The following ZNF282 variants were observed in gnomAD, a reference collection of about 807,000 sequenced individuals.
ZNF282 encodes HTLV-I U5 repressive element-binding protein 1.
ZNF282 carries 30 observed loss-of-function variants against 61.9 expected under a neutral mutation model. That is an observed-to-expected ratio of 0.48 (90% CI 0.36 to 0.66). The LOEUF (loss-of-function observed/expected upper bound fraction) is 0.66. ZNF282 is among the 30% of genes least tolerant of loss of function. The pLI is 0.00. For synonymous variants in ZNF282, 396 were observed against 405.0 expected (o/e 0.98, Z 0.27); for missense variants, 788 against 941.4 (o/e 0.84, Z 2.13).
intron 2 of ZNF282, among the ~76,000 whole-genome samples, chr7:149,204,761 G>A (rs1039228999): frequency 2.6e-5 from 4 of 152,288 alleles, no homozygotes; most frequent in South Asian, 4.1e-4. Flanking sequence ...TGAAGCAGCC[G>A]TGAGACAGCG....
rs58064988 is a variant in ZNF282, at chr7:149,209,020, CA to C, written c.833-1552del. ...TGGGCTACAGAGGGAGACTTCATCT[CA>C]AAAAAAAAAAAAGAGGGCCGGGCGC... On this transcript the variant is annotated intron_variant, in intron 4 of 7. Coordinates refer to ENST00000610704, the MANE Select transcript of ZNF282 (RefSeq NM_003575.4). 5.8e-4 allele frequency among the ~76,000 whole-genome samples: 36 copies of C among 61,708 alleles called. 1 individual carries two copies. Among genetic ancestry groups the C allele is most frequent in the Admixed American group, 1.1e-3 (5 of 4,600 alleles). 40.5% of individuals were successfully genotyped at this position (61,708 alleles called of 152,430 possible).
chr7:149,205,724 G>T (rs1795982887), intron 2 of ZNF282, among the ~76,000 whole-genome samples: 1 of 152,218 alleles, frequency 6.6e-6, no homozygotes, highest in African/African-American at 2.4e-5. Context: ...AGTAGTGGTA[G>T]CTGTGCTCCT....
intron 7 of ZNF282, among the ~76,000 whole-genome samples, chr7:149,222,374 G>A (rs1796269496): frequency 6.6e-6 from 1 of 152,216 alleles, no homozygotes; most frequent in Non-Finnish European, 1.5e-5. Context: ...AAACATGACT[G>A]CCAACCCATC....
chr7:149,208,791 G>C (rs1193046163), intron 4 of ZNF282, among the ~76,000 whole-genome samples: 1 of 151,100 alleles, frequency 6.6e-6, no homozygotes, highest in African/African-American at 2.4e-5. Context: ...GGCCGAGGTG[G>C]GCGGATTAGC....
intron 2 of ZNF282, among the ~76,000 whole-genome samples, chr7:149,202,739 C>G (rs1013803496): frequency 6.6e-6 from 1 of 152,240 alleles, no homozygotes; most frequent in Non-Finnish European, 1.5e-5. Flanking sequence ...GCGTGAACCA[C>G]TGCACCTGGC....
At chr7:149,212,570 A>C in intron 6 of ZNF282, 99 bp downstream of exon 6, 1 of 988,336 alleles carries the variant, frequency 1.0e-6, no homozygotes, top group Non-Finnish European at 1.5e-6. Context: ...TGATACTAAA[A>C]TTACTTCAGC....
Position 149,198,448 on chromosome 7 carries a change from C to T in ZNF282, c.281C>T (p.Ala94Val). 1 of 1,614,208 alleles carries T rather than the reference C, an allele frequency of 6.2e-7. No homozygotes were observed. The highest frequency in any genetic ancestry group is 1.6e-4 in the Middle Eastern group (1 of 6,062). The part of the protein sequence containing the change: ...RMMREPQLPT[A>V]EISLWTVVAA... ...ATGCGAGAGCCCCAGTTGCCCACAG[C>T]AGAGATCTCACTCTGGACTGTGGTG... Residue 94 changes from alanine to valine, a missense_variant, in exon 2 of 8, where the codon GCA (alanine) becomes GTA (valine). By Grantham distance (64) the Ala-to-Val change is moderately conservative. Around this residue, in one of 3 missense-constraint regions of ZNF282, gnomAD observed 137 missense variants for 135.4 expected, o/e 1.01. Coordinates refer to ENST00000610704, the MANE Select transcript of ZNF282 (RefSeq NM_003575.4). The surrounding 1 kb of genome is among the most constrained non-coding windows in gnomAD (Gnocchi z 4.3).
In ZNF282 at chr7:149,223,960, G is replaced by C; in HGVS notation, c.1329G>C (p.Pro443=). 1.5e-6 allele frequency: 2 copies of C among 1,301,114 alleles called. No homozygotes were observed. Among genetic ancestry groups the C allele is most frequent in the East Asian group, 3.2e-5 (1 of 31,606 alleles). 80.6% of individuals were successfully genotyped at this position (1,301,114 alleles called of 1,614,324 possible). A position where few individuals can be genotyped will look rare whatever the true frequency, so the allele number is the denominator to read the frequency against. The stretch of plus-strand genomic sequence containing the variant: ...TGGCCGAGAACCCGGGCGGCCCCCC[G>C]AGCCGAGGGCTGCTGGACGACGGTT... The part of the protein sequence containing the change: ...IAVAENPGGP[P]SRGLLDDGFQ... The change falls in exon 8 of 8, where the codon CCG becomes CCC. Residue 443 remains proline (P), a synonymous_variant. Transcript: ENST00000610704.
Position 149,224,285 on chromosome 7 carries a change from G to A in ZNF282, c.1654G>A (p.Glu552Lys), listed in dbSNP as rs1425778098. The A allele has an allele frequency of 6.2e-7, 1 of 1,613,048 alleles. No homozygotes were observed. The highest frequency in any genetic ancestry group is 8.5e-7 in the Non-Finnish European group (1 of 1,179,880). Reference sequence around the variant, plus strand: ...GCGGCCCTACGAGTGCGCTGAGTGCGAGAAGAGCTTCAACTGCCACTCGGG... The same window carrying A: ...GCGGCCCTACGAGTGCGCTGAGTGCAAGAAGAGCTTCAACTGCCACTCGGG... ...KERPYECAECEKSFNCHSGLI... is the reference protein window; with the variant it reads ...KERPYECAECKKSFNCHSGLI... Residue 552 changes from glutamate to lysine, a missense_variant, in exon 8 of 8, where the codon GAG (glutamate) becomes AAG (lysine). Physicochemically the swap from Glu to Lys is moderately conservative, Grantham distance 56. This residue lies in a region of ZNF282 where 559 missense variants were observed against 642.0 expected (regional missense o/e 0.87). Transcript: ENST00000610704.
intron 7 of ZNF282, among the ~76,000 whole-genome samples, chr7:149,218,119 A>AAAG (rs1554471224): frequency 6.7e-6 from 1 of 149,858 alleles, no homozygotes; most frequent in African/African-American, 2.5e-5. Context: ...AAAAAAAAAA[A>AAAG]AGAGAGAGAG....
chr7:149,223,814 G>A lies in ZNF282; in HGVS notation c.1183G>A (p.Asp395Asn). Residue 395 changes from aspartate to asparagine, a missense_variant and splice_region_variant, in exon 8 of 8, where the codon GAC (aspartate) becomes AAC (asparagine). This residue lies in a region of ZNF282 where 559 missense variants were observed against 642.0 expected (regional missense o/e 0.87). Coordinates refer to ENST00000610704, the MANE Select transcript of ZNF282 (RefSeq NM_003575.4). ...GELGLDSGPSDSLLMVKNPPP... is the reference protein window; with the variant it reads ...GELGLDSGPSNSLLMVKNPPP... ...GTCACTTCTTCCTATCTCCCCAGGT[G>A]ACAGCCTGCTGATGGTGAAGAACCC... The A allele has an allele frequency of 6.7e-7, 1 of 1,495,088 alleles. No individual in the cohort carries two copies. Among genetic ancestry groups the A allele is most frequent in the East Asian group, 2.8e-5 (1 of 35,800 alleles). The allele number at this position is 1,495,088 out of a possible 1,614,324, so 92.6% of individuals were successfully genotyped here. A position where few individuals can be genotyped will look rare whatever the true frequency, so the allele number is the denominator to read the frequency against.
rs1193968796 is a variant in ZNF282, at chr7:149,202,317, C to CT, written c.585+3577dup. On this transcript the variant is annotated intron_variant, in intron 2 of 7. Transcript: ENST00000610704. Reference sequence around the variant, plus strand: ...GTGCCACCATGCCCGGCTAATTTTTCTTTTTTTTTTTTGAGACGGAGTCTT... The same window carrying CT: ...GTGCCACCATGCCCGGCTAATTTTTCTTTTTTTTTTTTTGAGACGGAGTCTT... Among the ~76,000 whole-genome samples, 1,290 of 142,288 alleles carry CT rather than the reference C, an allele frequency of 9.1e-3. 16 individuals carry two copies. The highest frequency in any genetic ancestry group is 0.026 in the African/African-American group (1,025 of 38,986). The allele number at this position is 142,288 out of a possible 152,430, so 93.3% of individuals were successfully genotyped here. A position where few individuals can be genotyped will look rare whatever the true frequency, so the allele number is the denominator to read the frequency against.
chr7:149,213,652 C>A, intron 6 of ZNF282, 49 bp from the exon 7 acceptor site: 1 of 1,430,266 alleles, frequency 7.0e-7, no homozygotes, highest in Non-Finnish European at 9.8e-7. Context: ...GATGGGAGGC[C>A]GAGTAGAACT....
intron 4 of ZNF282, among the ~76,000 whole-genome samples, chr7:149,209,701 A>C (rs188871520): frequency 1.2e-4 from 19 of 152,222 alleles, no homozygotes; most frequent in Admixed American, 1.2e-3. Context: ...TGAAGGCAGG[A>C]TCCCAGTCTT....
chr7:149,199,514 G>A (rs184978590), intron 2 of ZNF282, among the ~76,000 whole-genome samples: 29 of 152,054 alleles, frequency 1.9e-4, no homozygotes, highest in Admixed American at 1.0e-3. Context: ...CCTGCTGTCC[G>A]TCTTTAACAG....
chr7:149,199,346 T>C (rs1206771587), intron 2 of ZNF282, among the ~76,000 whole-genome samples: 1 of 152,168 alleles, frequency 6.6e-6, no homozygotes, highest in Non-Finnish European at 1.5e-5. Flanking sequence ...TTCCATCTGC[T>C]GCTCGGTGGC....
chr7:149,204,902 G>A (rs1202414), intron 2 of ZNF282, among the ~76,000 whole-genome samples: 126,465 of 152,072 alleles, frequency 0.83, 53,254 homozygotes, highest in East Asian at 0.97. Context: ...GCGGATCACG[G>A]GGTCAGGAGA....
At chr7:149,212,940 A>G (rs1796110261) in intron 6 of ZNF282, among the ~76,000 whole-genome samples, 1 of 152,302 alleles carries the variant, frequency 6.6e-6, no homozygotes, top group East Asian at 1.9e-4. Flanking sequence ...AGCTGCATAT[A>G]TTTCTGTGTC....
intron 7 of ZNF282, among the ~76,000 whole-genome samples, chr7:149,222,352 C>T (rs141033097): frequency 1.5e-3 from 229 of 152,328 alleles, no homozygotes; most frequent in African/African-American, 5.4e-3. Context: ...AGATGCCCCA[C>T]ATGCTTAGTG....
Sources: gnomAD v4.1 joint callset for allele counts (sites outside exome capture counted in the v4.1 genomes callset) on GRCh38, gnomAD v4.1.1 for gene constraint, gnomAD v4.1.1 regional missense constraint, Gnocchi (gnomAD v3.1) non-coding constraint, MANE v1.5 for transcripts, NCBI Gene and HGNC (gene_info 2026-07-23, HGNC 2026-07-21) for gene names.